Variants in ACOT7 observed in about 807,000 individuals in gnomAD.
ACOT7 encodes the protein cytosolic acyl coenzyme A thioester hydrolase.
Under a neutral mutation model 40.2 loss-of-function variants are expected in ACOT7, and 12 were observed. The ratio of observed to expected loss-of-function variants is 0.30; its 90% CI spans 0.19 to 0.48. The LOEUF (loss-of-function observed/expected upper bound fraction) is 0.48. Ranked by LOEUF, ACOT7 falls within the 20% of genes least tolerant of loss-of-function variation. The pLI is 0.99. For synonymous variants in ACOT7, 228 were observed against 219.5 expected, an observed-to-expected ratio of 1.04 and a Z score of -0.34; for missense variants, 395 against 530.8, an observed-to-expected ratio of 0.74 and a Z score of 2.51.
Position 6,393,306 on chromosome 1 carries a change from TG to T in ACOT7, c.93del (p.Ser32AlafsTer36), listed in dbSNP as rs1355980371. The T allele has an allele frequency of 7.8e-7, 1 of 1,282,732 alleles. No homozygotes were observed. Among genetic ancestry groups the T allele is most frequent in the Non-Finnish European group, 9.9e-7 (1 of 1,014,742 alleles). The allele number at this position is 1,282,732 out of a possible 1,614,324, so 79.5% of individuals were successfully genotyped here. On this transcript the variant is annotated frameshift_variant, in exon 1 of 9. Coordinates refer to ENST00000361521, the MANE Select transcript of ACOT7 (RefSeq NM_007274.4). LOFTEE classifies it high-confidence loss of function. Reference protein sequence around the residue: ...QPPAASAAAAPSMSGPDVETP... With the variant: ...QPPAASAAAAXSMSGPDVETP... The stretch of plus-strand genomic sequence containing the variant: ...GTCTCGACGTCTGGGCCCGACATGC[TG>T]GGGGCTGCGGCGGCGGATGCGGCGG...
At chr1:6,315,925 C>G (rs979775409) in intron 6 of ACOT7, among the ~76,000 whole-genome samples, 1 of 151,982 alleles carries the variant, frequency 6.6e-6, no homozygotes, top group African/African-American at 2.4e-5. Flanking sequence ...GCTTAGACAC[C>G]GTAAATGAAC....
In ACOT7 at chr1:6,352,476, C is replaced by T. The variant is rs1641617850; in HGVS notation, c.144-2610G>A. Among the ~76,000 whole-genome samples, 1 of 152,272 alleles carries T rather than the reference C, an allele frequency of 6.6e-6. No homozygotes were observed. The highest frequency in any genetic ancestry group is 6.5e-5 in the Admixed American group (1 of 15,292). On this transcript the variant is annotated intron_variant, in intron 1 of 8. Transcript: ENST00000361521. This position sits in a 1 kb window ranked among gnomAD's most constrained non-coding sequence, Gnocchi z 4.5. ...GCCCCGCCCCATGGCCTGGCCAAGG[C>T]CAACCGTGTCCATCCCAGGACAGGG...
At chr1:6,357,870 CTTT>C (rs148990897) in intron 1 of ACOT7, among the ~76,000 whole-genome samples, 3 of 143,620 alleles carry the variant, frequency 2.1e-5, no homozygotes, top group Non-Finnish European at 1.5e-5. Context: ...TGCTTCTCCT[CTTT>C]TTTTTTTTTT....
chr1:6,317,103 G>A (rs993616576), intron 6 of ACOT7, among the ~76,000 whole-genome samples: 3 of 152,142 alleles, frequency 2.0e-5, no homozygotes, highest in African/African-American at 7.2e-5. Flanking sequence ...GTGCAAAAGT[G>A]CCTGTTATGC....
At chr1:6,329,819 C>T (rs1397176731) in intron 4 of ACOT7, among the ~76,000 whole-genome samples, 1 of 152,146 alleles carries the variant, frequency 6.6e-6, no homozygotes, top group Non-Finnish European at 1.5e-5. Context: ...TTGAAAAAAA[C>T]CAAAGCATCC....
chr1:6,284,471 G>A (rs1160122337), intron 7 of ACOT7, among the ~76,000 whole-genome samples: 2 of 151,282 alleles, frequency 1.3e-5, no homozygotes, highest in East Asian at 1.9e-4. Flanking sequence ...AGCTACTTGG[G>A]AGGCTGAGGC....
intron 6 of ACOT7, among the ~76,000 whole-genome samples, chr1:6,315,580 T>C (rs1640466417): frequency 6.6e-6 from 1 of 151,558 alleles, no homozygotes; most frequent in African/African-American, 2.4e-5. Context: ...TGAAAACCCG[T>C]CTCTACTAAA....
chr1:6,329,336 C>T (rs1640892541), intron 4 of ACOT7, among the ~76,000 whole-genome samples: 1 of 152,160 alleles, frequency 6.6e-6, no homozygotes. Flanking sequence ...TTTTAAGTTG[C>T]AGTGGATAAT....
chr1:6,381,833 T>C (rs10779757), intron 1 of ACOT7, among the ~76,000 whole-genome samples: 150,603 of 151,990 alleles, frequency 0.99, 74,645 homozygotes, highest in Middle Eastern at 1. Context: ...CATGATTCAG[T>C]CTTTAAAAGG....
Position 6,365,361 on chromosome 1 carries a change from TATA to T in ACOT7, c.144-15498_144-15496del, listed in dbSNP as rs1641980985. On this transcript the variant is annotated intron_variant, in intron 1 of 8. Transcript: ENST00000361521. Reference sequence around the variant, plus strand: ...CCGCAACAAAGCACACATTGCACTTTATAATAAGTCACATGATTTTTTTGGTTT... The same window carrying T: ...CCGCAACAAAGCACACATTGCACTTTATAAGTCACATGATTTTTTTGGTTT... Among the ~76,000 whole-genome samples the T allele has an allele frequency of 1.3e-5, 2 of 152,210 alleles. 1 individual carries two copies. The highest frequency in any genetic ancestry group is 4.1e-4 in the South Asian group (2 of 4,834).
Position 6,359,889 on chromosome 1 carries a change from G to A in ACOT7, c.144-10023C>T, listed in dbSNP as rs1402576672. ...CACATGTTTAGTTGTGAAAGAGAAA[G>A]TTAGGGCAGAGAGGGCTGATTAGGC... On this transcript the variant is annotated intron_variant, in intron 1 of 8. Transcript: ENST00000361521. The surrounding 1 kb of genome is among the most constrained non-coding windows in gnomAD (Gnocchi z 4.1). 6.6e-6 allele frequency among the ~76,000 whole-genome samples: 1 copy of A among 152,210 alleles called. No homozygotes were observed. Among genetic ancestry groups the A allele is most frequent in the Non-Finnish European group, 1.5e-5 (1 of 68,036 alleles).
chr1:6,335,895 T>C (rs958444167), intron 3 of ACOT7, among the ~76,000 whole-genome samples: 16 of 152,342 alleles, frequency 1.1e-4, no homozygotes, highest in East Asian at 7.7e-4. Context: ...AGATTTCCTG[T>C]TGGATTCAGC....
intron 6 of ACOT7, among the ~76,000 whole-genome samples, chr1:6,308,365 CA>C (rs1387332525): frequency 4.6e-5 from 7 of 150,590 alleles, no homozygotes; most frequent in South Asian, 4.2e-4. Flanking sequence ...CAGCCACAGG[CA>C]GGGGGAACAG....
At chr1:6,276,998 C>G (rs575852828) in intron 8 of ACOT7, among the ~76,000 whole-genome samples, 12 of 152,198 alleles carry the variant, frequency 7.9e-5, no homozygotes, top group South Asian at 4.1e-4. Flanking sequence ...CCACCCCCCC[C>G]CAGGGTATGG....
At chr1:6,340,203 T>C (rs1641235202) in intron 2 of ACOT7, among the ~76,000 whole-genome samples, 1 of 152,102 alleles carries the variant, frequency 6.6e-6, no homozygotes, top group South Asian at 2.1e-4. Context: ...CCTGACCTCG[T>C]GATCCGCCCG....
rs749250310 is a variant in ACOT7 at position 6,393,347 on chromosome 1, G to A, written c.53C>T (p.Ala18Val). ...GGATGCGGCGGGCGGCTGCAGAAGG[G>A]CGCAGGTGTCTGGCAGGCCCGGCGC... ...HSAPGLPDTCALLQPPAASAA... is the reference protein window; with the variant it reads ...HSAPGLPDTCVLLQPPAASAA... Residue 18 changes from alanine to valine, a missense_variant, in exon 1 of 9, where the codon GCC (alanine) becomes GTC (valine). Coordinates refer to ENST00000361521, the MANE Select transcript of ACOT7 (RefSeq NM_007274.4). The A allele has an allele frequency of 8.0e-7, 1 of 1,251,768 alleles. No individual in the cohort carries two copies. The allele number at this position is 1,251,768 out of a possible 1,614,324, so 77.5% of individuals were successfully genotyped here.
In ACOT7 at chr1:6,282,874, G is replaced by A. The variant is rs1213284735; in HGVS notation, c.830-1588C>T. 2 of 1,067,516 alleles carry A rather than the reference G, an allele frequency of 1.9e-6. No individual in the cohort carries two copies. The highest frequency in any genetic ancestry group is 2.6e-6 in the Non-Finnish European group (2 of 773,156). 66.1% of individuals were successfully genotyped at this position (1,067,516 alleles called of 1,614,324 possible). On this transcript the variant is annotated intron_variant, in intron 7 of 8. Transcript: ENST00000361521. This position sits in a 1 kb window ranked among gnomAD's most constrained non-coding sequence, Gnocchi z 4.5. ...GGGAGGAGGGCAGGCCATGGGTCAGGCCCCAGCTAAGGAGCTAGAAGTTTC... is the reference window on the plus strand; with the variant it reads ...GGGAGGAGGGCAGGCCATGGGTCAGACCCCAGCTAAGGAGCTAGAAGTTTC...
chr1:6,384,356 T>C (rs1282875952), intron 1 of ACOT7, among the ~76,000 whole-genome samples: 1 of 151,816 alleles, frequency 6.6e-6, no homozygotes. Flanking sequence ...AGATGGATAA[T>C]AACAAGTGCT....
At chr1:6,382,398 T>C (rs951441309) in intron 1 of ACOT7, among the ~76,000 whole-genome samples, 6 of 151,908 alleles carry the variant, frequency 3.9e-5, no homozygotes, top group Non-Finnish European at 7.4e-5. Flanking sequence ...AGCGAGACTC[T>C]GTCTCAAAAA....
Sources: allele counts gnomAD v4.1 joint callset (sites outside exome capture counted in the v4.1 genomes callset), GRCh38; gene constraint gnomAD v4.1.1; non-coding constraint Gnocchi (gnomAD v3.1); transcripts MANE v1.5; gene names NCBI Gene and HGNC (gene_info 2026-07-23, HGNC 2026-07-21).